Variants in SNTG1 observed in about 807,000 individuals in gnomAD.
SNTG1 encodes the protein gamma-1-syntrophin.
SNTG1 carries 39 observed loss-of-function variants against 74.7 expected under a neutral mutation model. The observed-to-expected ratio is 0.52, with a 90% CI of 0.40 to 0.68. The LOEUF (loss-of-function observed/expected upper bound fraction) is 0.68. Ranked by LOEUF, SNTG1 falls within the 30% of genes least tolerant of loss-of-function variation. The probability of loss-of-function intolerance (pLI) is 0.00; values close to 1 mark genes in which losing one functional copy is unlikely to be tolerated. For missense variants in SNTG1, 685 were observed against 609.5 expected (o/e 1.12, Z -1.30); for synonymous variants, 254 against 217.1 (o/e 1.17, Z -1.49).
chr8:50,466,183 A>C (rs1456651728), intron 8 of SNTG1, among the ~76,000 whole-genome samples: 1 of 152,072 alleles, frequency 6.6e-6, no homozygotes, highest in East Asian at 1.9e-4. Flanking sequence ...ATTGCATTTT[A>C]AATTTAGGTC....
intron 1 of SNTG1, among the ~76,000 whole-genome samples, chr8:50,156,161 A>G (rs749116032): frequency 4.5e-4 from 68 of 152,128 alleles, no homozygotes; most frequent in Non-Finnish European, 8.8e-4. Context: ...AAACACCCCC[A>G]GGTACAGTTG....
intron 18 of SNTG1, among the ~76,000 whole-genome samples, chr8:50,788,404 T>C (rs573075319): frequency 7.9e-5 from 12 of 151,912 alleles, no homozygotes; most frequent in Admixed American, 3.9e-4. Context: ...GAATGTTGCA[T>C]GGCCATGTTA....
At chr8:50,402,542 G>A (rs2092820271) in intron 4 of SNTG1, among the ~76,000 whole-genome samples, 198 bp downstream of exon 4, 1 of 152,102 alleles carries the variant, frequency 6.6e-6, no homozygotes, top group South Asian at 2.1e-4. Context: ...CATATTTCGG[G>A]CCCATCTCCA....
chr8:50,038,039 C>T (rs142904034), intron 1 of SNTG1, among the ~76,000 whole-genome samples: 3 of 152,252 alleles, frequency 2.0e-5, no homozygotes, highest in Admixed American at 6.5e-5. Flanking sequence ...ACTCCAACTA[C>T]GATACGCTTT....
At chr8:49,993,386 G>A (rs1013134782) in intron 1 of SNTG1, among the ~76,000 whole-genome samples, 1 of 147,498 alleles carries the variant, frequency 6.8e-6, no homozygotes, top group Non-Finnish European at 1.5e-5. Flanking sequence ...TTTTGTCGTC[G>A]TTGTTGTTTT....
intron 1 of SNTG1, among the ~76,000 whole-genome samples, chr8:49,967,914 T>A (rs1585698734): frequency 6.6e-6 from 1 of 152,136 alleles, no homozygotes; most frequent in East Asian, 1.9e-4. Flanking sequence ...AGCAGCTTCC[T>A]CCCTGTCCCC....
chr8:50,264,882 G>A (rs1186001102), intron 2 of SNTG1, among the ~76,000 whole-genome samples: 1 of 151,916 alleles, frequency 6.6e-6, no homozygotes, highest in Non-Finnish European at 1.5e-5. Context: ...AGATAATTTA[G>A]ATAAAGTGGA....
At chr8:50,259,714 A>G (rs912306237) in intron 2 of SNTG1, among the ~76,000 whole-genome samples, 5 of 152,218 alleles carry the variant, frequency 3.3e-5, no homozygotes, top group South Asian at 2.1e-4. Context: ...TTTCATTCAC[A>G]CTATAAGAAA....
intron 2 of SNTG1, among the ~76,000 whole-genome samples, chr8:50,175,602 T>G (rs1279578457): frequency 6.6e-6 from 1 of 152,186 alleles, no homozygotes; most frequent in African/African-American, 2.4e-5. Flanking sequence ...CTCTGCATGC[T>G]TTCACACTAC....
intron 18 of SNTG1, among the ~76,000 whole-genome samples, chr8:50,787,269 A>G (rs1472132888): frequency 1.3e-5 from 2 of 151,964 alleles, no homozygotes; most frequent in Non-Finnish European, 2.9e-5. Flanking sequence ...AATGCAAATC[A>G]AAACCACAGT....
At chr8:50,645,987 A>G (rs2095106816) in intron 13 of SNTG1, among the ~76,000 whole-genome samples, 1 of 152,096 alleles carries the variant, frequency 6.6e-6, no homozygotes, top group Non-Finnish European at 1.5e-5. Context: ...GTAACATTGC[A>G]GCACTTTGTA....
chr8:50,075,107 A>G (rs1367728691), intron 1 of SNTG1, among the ~76,000 whole-genome samples: 1 of 152,078 alleles, frequency 6.6e-6, no homozygotes, highest in Non-Finnish European at 1.5e-5. Context: ...GAAAAGTAGG[A>G]CTCAGGGCCT....
At chr8:50,438,925 C>A (rs563055196) in intron 5 of SNTG1, among the ~76,000 whole-genome samples, 1 of 152,206 alleles carries the variant, frequency 6.6e-6, no homozygotes, top group Non-Finnish European at 1.5e-5. Context: ...AAATGATGAT[C>A]TGCAGTAAAT....
intron 1 of SNTG1, among the ~76,000 whole-genome samples, chr8:50,169,442 C>CT (rs2082733391): frequency 6.6e-6 from 1 of 152,150 alleles, no homozygotes; most frequent in African/African-American, 2.4e-5. Context: ...TTAAATGCAA[C>CT]TTAATATCTT....
intron 8 of SNTG1, among the ~76,000 whole-genome samples, chr8:50,464,422 C>T (rs1376858199): frequency 6.6e-6 from 1 of 151,982 alleles, no homozygotes; most frequent in Non-Finnish European, 1.5e-5. Flanking sequence ...ACTTACAGGC[C>T]ATGACAGCAT....
rs1004499393 is a variant in SNTG1, at chr8:50,595,233, T to C, written c.849+4316T>C. 3.9e-5 allele frequency among the ~76,000 whole-genome samples: 6 copies of C among 152,202 alleles called. No homozygotes were observed. The South Asian group carries it at 1.0e-3, about 26-fold the overall frequency. ...ACAATCTGAAGATAATGAGCCTGTT[T>C]TTGTTCTGGTCTATTTCATAACACT... On this transcript the variant is annotated intron_variant, in intron 13 of 18. Transcript: ENST00000642720.
At chr8:50,308,821 T>C (rs967968265) in intron 2 of SNTG1, among the ~76,000 whole-genome samples, 1 of 152,224 alleles carries the variant, frequency 6.6e-6, no homozygotes, top group Admixed American at 6.5e-5. Context: ...ATTTAGACAT[T>C]TTTGTTCTTG....
chr8:50,616,577 G>A (rs1409704432), intron 13 of SNTG1, among the ~76,000 whole-genome samples: 2 of 152,174 alleles, frequency 1.3e-5, no homozygotes, highest in Non-Finnish European at 1.5e-5. Context: ...CAGGCAATAG[G>A]ACATGGATGA....
At chr8:50,560,727 G>T (rs1454241516) in intron 12 of SNTG1, among the ~76,000 whole-genome samples, 1 of 152,100 alleles carries the variant, frequency 6.6e-6, no homozygotes, top group Admixed American at 6.6e-5. Context: ...TTGTTGGAGG[G>T]GAGGGAGAGC....
Sources: allele counts gnomAD v4.1 joint callset (sites outside exome capture counted in the v4.1 genomes callset), GRCh38; gene constraint gnomAD v4.1.1; transcripts MANE v1.5; gene names NCBI Gene and HGNC (gene_info 2026-07-23, HGNC 2026-07-21).